The following VAV3 variants were observed in gnomAD, a reference collection of about 807,000 sequenced individuals.
VAV3 encodes vav guanine nucleotide exchange factor 3.
In VAV3, 94 loss-of-function variants were observed where a neutral mutation model predicts 131.2. The observed-to-expected ratio is 0.72, with a 90% CI of 0.61 to 0.85. VAV3 has a LOEUF of 0.85. VAV3 is among the 40% of genes least tolerant of loss of function. The probability of loss-of-function intolerance (pLI) is 0.00; values close to 1 mark genes in which losing one functional copy is unlikely to be tolerated. For synonymous variants in VAV3, 349 were observed against 342.0 expected (o/e 1.02, Z -0.22); for missense variants, 939 against 1,002.7 (o/e 0.94, Z 0.86).
rs575066902 is a variant in VAV3 at position 107,695,753 on chromosome 1, G to A, written c.1706-7347C>T. Among the ~76,000 whole-genome samples the A allele has an allele frequency of 3.3e-5, 5 of 152,240 alleles. No homozygotes were observed. In the East Asian group the frequency reaches 7.7e-4, roughly 24 times the overall value. Reference sequence around the variant, plus strand: ...CAGATTTCCAGAAGATGGCATGGGCGCATGATGGGTTGTGAAGGATAGCAT... The same window carrying A: ...CAGATTTCCAGAAGATGGCATGGGCACATGATGGGTTGTGAAGGATAGCAT... On this transcript the variant is annotated intron_variant, in intron 17 of 26. Transcript: ENST00000370056.
At position 107,766,503 on chromosome 1, in the gene VAV3, G is replaced by T; in HGVS notation, c.765C>A (p.Ser255=). 6.2e-7 allele frequency: 1 copy of T among 1,613,362 alleles called. No homozygotes were observed. Among genetic ancestry groups the T allele is most frequent in the South Asian group, 1.1e-5 (1 of 90,950 alleles). The part of the protein sequence containing the change: ...HRNLMQEIHD[S]IVNKNDQNLY... ...AGTTCTGGTCATTTTTATTTACAAT[G>T]GAATCATGAATCTCTTGCATTAGGT... Residue 255 remains serine, a synonymous_variant, in exon 8 of 27, where the codon TCC becomes TCA. Transcript: ENST00000370056.
intron 1 of VAV3, chr1:107,964,404 T>C: frequency 2.5e-6 from 1 of 405,702 alleles, no homozygotes; most frequent in Non-Finnish European, 4.5e-6. Context: ...GACAACTTAT[T>C]TCTTTCCCGC....
At chr1:107,677,005 G>C (rs1452259844) in intron 19 of VAV3, among the ~76,000 whole-genome samples, 1 of 152,108 alleles carries the variant, frequency 6.6e-6, no homozygotes, top group African/African-American at 2.4e-5. Flanking sequence ...AAATGAATGA[G>C]CCTCAAAGGA....
chr1:107,750,356 G>A (rs925357007), intron 13 of VAV3, among the ~76,000 whole-genome samples: 4 of 152,158 alleles, frequency 2.6e-5, no homozygotes, highest in Non-Finnish European at 5.9e-5. Context: ...ACTTGGGGGA[G>A]AAAATAAACC....
intron 1 of VAV3, among the ~76,000 whole-genome samples, chr1:107,951,431 A>C (rs1409463406): frequency 6.6e-6 from 1 of 152,214 alleles, no homozygotes; most frequent in Non-Finnish European, 1.5e-5. Context: ...TGCCCTGTAC[A>C]AATGTCTATA....
chr1:107,944,158 G>C (rs1674134541), intron 1 of VAV3, among the ~76,000 whole-genome samples: 1 of 152,240 alleles, frequency 6.6e-6, no homozygotes, highest in Non-Finnish European at 1.5e-5. Flanking sequence ...AAATGTAGGT[G>C]TTTTTATTAA....
Position 107,603,071 on chromosome 1 carries a change from G to C in VAV3, c.2108C>G (p.Ser703Ter). Residue 703 changes from serine (S) to a stop codon, truncating the protein, a stop_gained, in exon 23 of 27, where the codon TCA becomes TGA. Coordinates refer to ENST00000370056, the MANE Select transcript of VAV3 (RefSeq NM_006113.5). LOFTEE classifies it high-confidence loss of function. The stretch of plus-strand genomic sequence containing the variant: ...CTTAATGCTAATTGCATATTCTCCT[G>C]ACTCTTTGGTCCTGTGCCTCACAAG... ...TYLVRHRTKE[S>*]GEYAISIKYN... The C allele has an allele frequency of 6.2e-7, 1 of 1,613,150 alleles. No homozygotes were observed. The highest frequency in any genetic ancestry group is 8.5e-7 in the Non-Finnish European group (1 of 1,179,484).
chr1:107,686,950 T>C (rs1356644315), intron 18 of VAV3, among the ~76,000 whole-genome samples: 1 of 152,140 alleles, frequency 6.6e-6, no homozygotes, highest in East Asian at 1.9e-4. Flanking sequence ...AAAGGATAAG[T>C]GTTAAGTAAC....
At chr1:107,923,251 A>G (rs2101164611) in intron 1 of VAV3, among the ~76,000 whole-genome samples, 1 of 152,244 alleles carries the variant, frequency 6.6e-6, no homozygotes. Context: ...TTAACCCCCA[A>G]CTAATAATGA....
intron 1 of VAV3, among the ~76,000 whole-genome samples, chr1:107,964,100 C>T (rs866981508): frequency 1.3e-5 from 2 of 152,110 alleles, no homozygotes; most frequent in Admixed American, 1.3e-4. Context: ...GGCTGGCCAC[C>T]AGCTCAGGGG....
chr1:107,854,085 G>A (rs757575299), intron 2 of VAV3, among the ~76,000 whole-genome samples: 8 of 152,184 alleles, frequency 5.3e-5, no homozygotes, highest in African/African-American at 9.7e-5. Context: ...GACACCAGCA[G>A]ATAACTTGAG....
chr1:107,785,467 G>T, intron 2 of VAV3: 1 of 1,327,034 alleles, frequency 7.5e-7, no homozygotes. Context: ...CAGGGAGGTG[G>T]GCTCTGCAAG....
chr1:107,797,714 C>A (rs1400751501), intron 2 of VAV3, among the ~76,000 whole-genome samples: 1 of 152,138 alleles, frequency 6.6e-6, no homozygotes, highest in South Asian at 2.1e-4. Context: ...AACATCATGA[C>A]CTTTAGGTTG....
intron 1 of VAV3, among the ~76,000 whole-genome samples, chr1:107,952,485 T>TATATATATATATATATATATATACACAC (rs1317970944): frequency 1.1e-5 from 1 of 94,450 alleles, no homozygotes; most frequent in East Asian, 3.3e-4. Flanking sequence ...TATATATATA[T>TATATATATATATATATATATATACACAC]ACACACATAA....
intron 1 of VAV3, among the ~76,000 whole-genome samples, chr1:107,909,440 A>T (rs951147678): frequency 6.1e-5 from 9 of 147,932 alleles, no homozygotes; most frequent in African/African-American, 2.2e-4. Flanking sequence ...AAAGATGAGT[A>T]GACAATGGAA....
intron 1 of VAV3, among the ~76,000 whole-genome samples, chr1:107,908,819 A>G (rs1348959081): frequency 2.3e-5 from 1 of 43,614 alleles, no homozygotes; most frequent in African/African-American, 8.5e-5. Flanking sequence ...CGCCCCACTC[A>G]AACACACACA....
chr1:107,727,277 T>C (rs540074080), intron 15 of VAV3, among the ~76,000 whole-genome samples: 2 of 152,362 alleles, frequency 1.3e-5, no homozygotes, highest in Non-Finnish European at 2.9e-5. Context: ...TTGACCAGCA[T>C]TTTTTAAGCT....
chr1:107,710,162 T>C (rs1350333759), intron 15 of VAV3, among the ~76,000 whole-genome samples: 2 of 152,244 alleles, frequency 1.3e-5, no homozygotes, highest in African/African-American at 2.4e-5. Flanking sequence ...GATGAAATCA[T>C]CTGTAATGAT....
At chr1:107,844,256 G>A (rs150282528) in intron 2 of VAV3, among the ~76,000 whole-genome samples, 408 of 152,126 alleles carry the variant, frequency 2.7e-3, no homozygotes, top group South Asian at 5.4e-3. Context: ...AGCCTTGAGG[G>A]ACTGTGCCAC....
Sources: allele counts gnomAD v4.1 joint callset (sites outside exome capture counted in the v4.1 genomes callset), GRCh38; gene constraint gnomAD v4.1.1; transcripts MANE v1.5; gene names NCBI Gene and HGNC (gene_info 2026-07-23, HGNC 2026-07-21).